Variants in ATRNL1 observed in about 807,000 individuals in gnomAD.
ATRNL1 encodes the protein attractin-like protein 1.
ATRNL1 carries 95 observed loss-of-function variants against 182.7 expected under a neutral mutation model. The ratio of observed to expected loss-of-function variants is 0.52; its 90% CI spans 0.44 to 0.62. The LOEUF is 0.62. Among genes scored for constraint, ATRNL1 ranks in the 20% least tolerant of loss-of-function variants. ATRNL1 has a pLI of 0.00. For missense variants in ATRNL1, 1,471 were observed against 1,679.5 expected (o/e 0.88, Z 2.17); for synonymous variants, 576 against 568.3 (o/e 1.01, Z -0.19).
intron 27 of ATRNL1, among the ~76,000 whole-genome samples, chr10:115,797,347 G>A (rs1419893602): frequency 6.6e-6 from 1 of 151,992 alleles, no homozygotes; most frequent in East Asian, 1.9e-4. Context: ...CTGGCCTTTC[G>A]AATAGTGTTT....
intron 28 of ATRNL1, among the ~76,000 whole-genome samples, chr10:115,925,789 G>C (rs1013061757): frequency 5.3e-5 from 8 of 152,116 alleles, no homozygotes; most frequent in African/African-American, 1.7e-4. Flanking sequence ...CCTATAAAGA[G>C]ACTTAGACTC....
At chr10:115,180,058 G>GTAA (rs1847689761) in intron 8 of ATRNL1, among the ~76,000 whole-genome samples, 1 of 151,918 alleles carries the variant, frequency 6.6e-6, no homozygotes, top group African/African-American at 2.4e-5. Flanking sequence ...CAATGTAGAA[G>GTAA]TAATCATTGT....
intron 17 of ATRNL1, among the ~76,000 whole-genome samples, chr10:115,304,980 C>CT (rs1554925754): frequency 6.6e-6 from 1 of 151,776 alleles, no homozygotes; most frequent in Non-Finnish European, 1.5e-5. Flanking sequence ...CCTTTTTTCT[C>CT]TATCTGCCTA....
rs549970868 is a variant in ATRNL1 at position 115,859,728 on chromosome 10, G to C, written c.4018+11737G>C. Among the ~76,000 whole-genome samples the C allele has an allele frequency of 2.0e-5, 3 of 152,270 alleles. No individual in the cohort carries two copies. The South Asian group carries it at 6.2e-4, about 32-fold the overall frequency. On this transcript the variant is annotated intron_variant, in intron 28 of 28. Coordinates refer to ENST00000355044, the MANE Select transcript of ATRNL1 (RefSeq NM_207303.4). ...TTAATCTCGGGTCCTCCCACAGACT[G>C]TTTAATGGTGCCATAGTATCTACCA... is the stretch of plus-strand genomic sequence containing the variant.
At chr10:115,113,137 A>G (rs1207399105) in intron 1 of ATRNL1, among the ~76,000 whole-genome samples, 1 of 152,220 alleles carries the variant, frequency 6.6e-6, no homozygotes, top group Non-Finnish European at 1.5e-5. Flanking sequence ...AGCGAAGGTC[A>G]TGGCAGCAGT....
intron 26 of ATRNL1, among the ~76,000 whole-genome samples, chr10:115,582,084 T>G (rs1483852251): frequency 1.3e-5 from 2 of 152,078 alleles, no homozygotes; most frequent in African/African-American, 2.4e-5. Context: ...TCATCATTTT[T>G]TATGGCTGCA....
intron 17 of ATRNL1, among the ~76,000 whole-genome samples, chr10:115,311,487 G>A (rs565093437): frequency 9.2e-5 from 14 of 152,138 alleles, no homozygotes; most frequent in East Asian, 3.9e-4. Context: ...GCGCCCAGCC[G>A]ATTTTGATTT....
chr10:115,115,485 G>A (rs1554869660), intron 1 of ATRNL1, among the ~76,000 whole-genome samples: 2 of 151,958 alleles, frequency 1.3e-5, no homozygotes, highest in Admixed American at 6.6e-5. Context: ...ATGTATACAT[G>A]TATTGAAGCA....
At chr10:115,900,570 A>G (rs1003275122) in intron 28 of ATRNL1, among the ~76,000 whole-genome samples, 6 of 151,602 alleles carry the variant, frequency 4.0e-5, no homozygotes, top group Non-Finnish European at 5.9e-5. Context: ...TACATGTATT[A>G]ATGCAGCTAA....
At chr10:115,426,127 C>G (rs1217970373) in intron 20 of ATRNL1, 123 bp from the exon 21 acceptor site, 10 of 648,456 alleles carry the variant, frequency 1.5e-5, no homozygotes, top group Non-Finnish European at 2.5e-5. Flanking sequence ...TTTGAAATTT[C>G]AAATAATGGT....
chr10:115,348,859 G>A (rs1218203914), intron 19 of ATRNL1, among the ~76,000 whole-genome samples: 4 of 151,818 alleles, frequency 2.6e-5, no homozygotes, highest in African/African-American at 9.7e-5. Context: ...ATATTTAAGG[G>A]GTACATGTGA....
At chr10:115,155,239 T>A (rs1846451676) in intron 5 of ATRNL1, among the ~76,000 whole-genome samples, 1 of 152,028 alleles carries the variant, frequency 6.6e-6, no homozygotes, top group Admixed American at 6.6e-5. Context: ...TCTTTTTTTT[T>A]CTTTTTAAAA....
chr10:115,782,973 C>T (rs575032492), intron 27 of ATRNL1, among the ~76,000 whole-genome samples: 1 of 152,236 alleles, frequency 6.6e-6, no homozygotes, highest in African/African-American at 2.4e-5. Flanking sequence ...GTACACATGA[C>T]TTAGCCTGTT....
chr10:115,875,817 A>G (rs1353947339), intron 28 of ATRNL1, among the ~76,000 whole-genome samples: 4 of 152,204 alleles, frequency 2.6e-5, no homozygotes, highest in African/African-American at 9.7e-5. Flanking sequence ...TGATCATTGC[A>G]GTAAAGGGAA....
At chr10:115,872,741 T>C (rs1253624962) in intron 28 of ATRNL1, among the ~76,000 whole-genome samples, 1 of 152,242 alleles carries the variant, frequency 6.6e-6, no homozygotes, top group Non-Finnish European at 1.5e-5. Flanking sequence ...GATACTGTTA[T>C]ATCCTGACTG....
intron 28 of ATRNL1, among the ~76,000 whole-genome samples, chr10:115,856,300 T>C (rs1165221581): frequency 6.6e-6 from 1 of 151,644 alleles, no homozygotes; most frequent in Admixed American, 6.6e-5. Flanking sequence ...TGGTGGCAGA[T>C]GCCCGTAATC....
At chr10:115,506,205 A>C (rs1294029277) in intron 24 of ATRNL1, among the ~76,000 whole-genome samples, 1 of 152,014 alleles carries the variant, frequency 6.6e-6, no homozygotes, top group Non-Finnish European at 1.5e-5. Flanking sequence ...GAATTTAGCC[A>C]CTTCAGAGGC....
At chr10:115,338,685 C>A (rs937911655) in intron 19 of ATRNL1, among the ~76,000 whole-genome samples, 4 of 152,060 alleles carry the variant, frequency 2.6e-5, no homozygotes, top group African/African-American at 7.2e-5. Flanking sequence ...GTTTTCTCTT[C>A]ACTTTGTTGA....
At chr10:115,329,467 T>C (rs1855088555) in intron 18 of ATRNL1, among the ~76,000 whole-genome samples, 1 of 152,142 alleles carries the variant, frequency 6.6e-6, no homozygotes, top group Admixed American at 6.5e-5. Flanking sequence ...TGTCGATTGC[T>C]GAGAGTTGGG....
Sources: gnomAD v4.1 joint callset for allele counts (sites outside exome capture counted in the v4.1 genomes callset) on GRCh38, gnomAD v4.1.1 for gene constraint, MANE v1.5 for transcripts, NCBI Gene and HGNC (gene_info 2026-07-23, HGNC 2026-07-21) for gene names.